The following RSBN1L variants were observed in gnomAD, a reference collection of about 807,000 sequenced individuals.
The protein encoded by RSBN1L is round spermatid basic protein 1 like.
Under a neutral mutation model 67.7 loss-of-function variants are expected in RSBN1L, and 30 were observed. The observed-to-expected ratio is 0.44, with a 90% CI of 0.33 to 0.60. The LOEUF is 0.60. Ranked by LOEUF, RSBN1L falls within the 20% of genes least tolerant of loss-of-function variation. The pLI is 0.02. For synonymous variants in RSBN1L, 433 were observed against 387.0 expected (o/e 1.12, Z -1.39); for missense variants, 992 against 1,031.7 (o/e 0.96, Z 0.53).
chr7:77,774,607 C>A (rs1257363641), intron 6 of RSBN1L, among the ~76,000 whole-genome samples: 1 of 152,030 alleles, frequency 6.6e-6, no homozygotes, highest in Non-Finnish European at 1.5e-5. Context: ...CGTGGTGGCA[C>A]GTGCCTGTAA....
At chr7:77,742,178 A>T (rs372159329) in intron 2 of RSBN1L, among the ~76,000 whole-genome samples, 1 of 85,848 alleles carries the variant, frequency 1.2e-5, no homozygotes, top group African/African-American at 6.0e-5. Context: ...AAAAAAAAAA[A>T]AAATACACAC....
intron 1 of RSBN1L, among the ~76,000 whole-genome samples, chr7:77,727,526 C>G (rs1212264678): frequency 6.6e-6 from 1 of 151,838 alleles, no homozygotes; most frequent in Non-Finnish European, 1.5e-5. Flanking sequence ...GTATTTTTTT[C>G]AAGACAGACT....
At chr7:77,727,338 C>T (rs1791217703) in intron 1 of RSBN1L, among the ~76,000 whole-genome samples, 1 of 152,016 alleles carries the variant, frequency 6.6e-6, no homozygotes, top group South Asian at 2.1e-4. Flanking sequence ...CTGTCTGTCT[C>T]GGCCTCCTGA....
chr7:77,756,979 A>G (rs1381929735), intron 3 of RSBN1L, among the ~76,000 whole-genome samples: 1 of 152,236 alleles, frequency 6.6e-6, no homozygotes, highest in African/African-American at 2.4e-5. Context: ...CTGACCACCA[A>G]TAGCTGTGGA....
At chr7:77,775,128 T>A (rs1381863381) in intron 6 of RSBN1L, among the ~76,000 whole-genome samples, 2 of 152,232 alleles carry the variant, frequency 1.3e-5, no homozygotes, top group Non-Finnish European at 2.9e-5. Flanking sequence ...ATTTTAAAAT[T>A]TTTTGTAGAG....
At chr7:77,756,083 CAGAGT>C (rs1460049175) in intron 3 of RSBN1L, among the ~76,000 whole-genome samples, 3 of 151,930 alleles carry the variant, frequency 2.0e-5, no homozygotes, top group African/African-American at 4.8e-5. Context: ...TGTGGGAAGA[CAGAGT>C]AGAGTGAAGA....
intron 1 of RSBN1L, among the ~76,000 whole-genome samples, chr7:77,724,268 AT>A (rs915940339): frequency 6.0e-5 from 9 of 151,028 alleles, no homozygotes; most frequent in South Asian, 2.1e-4. Flanking sequence ...TTTACTTTGA[AT>A]TTTTTTTTCT....
At position 77,779,047 on chromosome 7, in the gene RSBN1L, A is replaced by C; in HGVS notation, c.2420A>C (p.Glu807Ala). The C allele has an allele frequency of 6.2e-7, 1 of 1,614,040 alleles. No homozygotes were observed. Among genetic ancestry groups the C allele is most frequent in the East Asian group, 2.2e-5 (1 of 44,846 alleles). ...EFKIDMDSKF[E>A]NSNKDLKEEL... Reference sequence around the variant, plus strand: ...AAGATTGACATGGATTCTAAATTTGAAAATAGCAACAAAGATTTAAAGGAA... The same window carrying C: ...AAGATTGACATGGATTCTAAATTTGCAAATAGCAACAAAGATTTAAAGGAA... The change falls in exon 8 of 8, where the codon GAA becomes GCA. Residue 807 changes from glutamate to alanine, a missense_variant. This residue lies in a region of RSBN1L where 199 missense variants were observed against 167.7 expected (regional missense o/e 1.19). Transcript: ENST00000334955.
chr7:77,769,606 G>A (rs1791818815), intron 5 of RSBN1L, among the ~76,000 whole-genome samples: 1 of 152,138 alleles, frequency 6.6e-6, no homozygotes, highest in Non-Finnish European at 1.5e-5. Context: ...ATTTGGGGGG[G>A]AAGCGACATC....
chr7:77,762,660 A>AC (rs1225575296), intron 3 of RSBN1L, among the ~76,000 whole-genome samples: 2 of 152,056 alleles, frequency 1.3e-5, no homozygotes, highest in Admixed American at 6.6e-5. Flanking sequence ...CTGTAATATT[A>AC]CCACCCAAGT....
At chr7:77,753,453 A>G (rs939598756) in intron 3 of RSBN1L, among the ~76,000 whole-genome samples, 4 of 152,100 alleles carry the variant, frequency 2.6e-5, no homozygotes, top group Admixed American at 2.0e-4. Context: ...CACTCTGTCA[A>G]TTTCTTATTT....
At chr7:77,698,829 A>G (rs557184278) in intron 1 of RSBN1L, among the ~76,000 whole-genome samples, 10 of 152,090 alleles carry the variant, frequency 6.6e-5, no homozygotes, top group African/African-American at 2.2e-4. Context: ...CACAAATGCT[A>G]TCTTGTTGAG....
At chr7:77,770,646 A>G (rs1265222111) in intron 5 of RSBN1L, among the ~76,000 whole-genome samples, 3 of 152,092 alleles carry the variant, frequency 2.0e-5, no homozygotes, top group African/African-American at 7.2e-5. Flanking sequence ...ACATCACTGC[A>G]CTCCAGCCTG....
At chr7:77,735,067 A>T (rs1387593666) in intron 1 of RSBN1L, among the ~76,000 whole-genome samples, 1 of 151,478 alleles carries the variant, frequency 6.6e-6, no homozygotes, top group South Asian at 2.1e-4. Flanking sequence ...AAAAAAAAAC[A>T]AAAAACACTT....
chr7:77,739,388 C>T (rs1051120390), intron 2 of RSBN1L, among the ~76,000 whole-genome samples: 1 of 151,932 alleles, frequency 6.6e-6, no homozygotes, highest in Non-Finnish European at 1.5e-5. Context: ...TATGTCACAC[C>T]AATTCATTTT....
chr7:77,778,840 T>C lies in RSBN1L; in HGVS notation c.2213T>C (p.Val738Ala). ...CAVSKASLDS[V>A]FSDKLHSKYE... ...GTAAGCAAAGCCTCCTTGGATTCTG[T>C]TTTTTCAGATAAACTTCATTCTAAA... The change falls in exon 8 of 8, where the codon GTT becomes GCT. Residue 738 changes from valine (V) to alanine (A), a missense_variant. Val to Ala is a moderately conservative substitution (Grantham distance 64). Around this residue, in one of 7 missense-constraint regions of RSBN1L, gnomAD observed 199 missense variants for 167.7 expected, o/e 1.19. Coordinates refer to ENST00000334955, the MANE Select transcript of RSBN1L (RefSeq NM_198467.3). 6.2e-7 allele frequency: 1 copy of C among 1,614,080 alleles called. No homozygotes were observed. The highest frequency in any genetic ancestry group is 2.2e-5 in the East Asian group (1 of 44,870).
At position 77,747,749 on chromosome 7, in the gene RSBN1L, G is replaced by A. The variant is rs369749974; in HGVS notation, c.704-1675G>A. Among the ~76,000 whole-genome samples the A allele has an allele frequency of 8.5e-4, 130 of 152,256 alleles. 3 individuals are homozygous for A. The South Asian group carries it at 0.018, about 21-fold the overall frequency. On this transcript the variant is annotated intron_variant, in intron 2 of 7. Coordinates refer to ENST00000334955, the MANE Select transcript of RSBN1L (RefSeq NM_198467.3). Reference sequence around the variant, plus strand: ...TTCCACATTGTCAGATGTCTTTATAGCAATGCCCCATTCCTCAGTACCAGT... The same window carrying A: ...TTCCACATTGTCAGATGTCTTTATAACAATGCCCCATTCCTCAGTACCAGT...
At chr7:77,770,563 G>A (rs1023018142) in intron 5 of RSBN1L, among the ~76,000 whole-genome samples, 1 of 151,700 alleles carries the variant, frequency 6.6e-6, no homozygotes, top group Non-Finnish European at 1.5e-5. Context: ...CATGCCCGTA[G>A]CCCTAGCTAC....
chr7:77,757,398 C>T (rs923794074), intron 3 of RSBN1L, among the ~76,000 whole-genome samples: 2 of 152,160 alleles, frequency 1.3e-5, no homozygotes, highest in African/African-American at 4.8e-5. Flanking sequence ...CAGGTCATGT[C>T]ATTTCTCTAA....
Sources: allele counts gnomAD v4.1 joint callset (sites outside exome capture counted in the v4.1 genomes callset), GRCh38; gene constraint gnomAD v4.1.1; regional missense constraint gnomAD v4.1.1; transcripts MANE v1.5; gene names NCBI Gene and HGNC (gene_info 2026-07-23, HGNC 2026-07-21).